The following CCAR1 variants were observed in gnomAD, a reference collection of about 807,000 sequenced individuals.
CCAR1 encodes the protein cell division cycle and apoptosis regulator protein 1.
CCAR1 carries 78 observed loss-of-function variants against 163.8 expected under a neutral mutation model. That is an observed-to-expected ratio of 0.48 (90% CI 0.40 to 0.57). The LOEUF is 0.57. CCAR1 is among the 20% of genes least tolerant of loss of function. The pLI, the probability that CCAR1 is intolerant of heterozygous loss-of-function variation, is 0.00. For synonymous variants in CCAR1, 443 were observed against 460.7 expected (o/e 0.96, Z 0.49); for missense variants, 1,019 against 1,365.2 (o/e 0.75, Z 4.00).
intron 19 of CCAR1, among the ~76,000 whole-genome samples, chr10:68,773,546 C>A (rs150505016): frequency 6.6e-6 from 1 of 152,002 alleles, no homozygotes; most frequent in Admixed American, 6.6e-5. Flanking sequence ...TGCCTATAAT[C>A]CCAGGTATAC....
intron 10 of CCAR1, among the ~76,000 whole-genome samples, chr10:68,750,457 T>C (rs1359586018): frequency 6.6e-6 from 1 of 152,100 alleles, no homozygotes; most frequent in Non-Finnish European, 1.5e-5. Context: ...ACTCCTAACC[T>C]CAAGTGATCC....
intron 12 of CCAR1, 119 bp downstream of exon 12, chr10:68,754,946 A>G (rs1371414891): frequency 4.8e-6 from 3 of 624,372 alleles, no homozygotes; most frequent in Non-Finnish European, 5.7e-6. Flanking sequence ...TAATTTTAGT[A>G]TTAAGGCACC....
intron 20 of CCAR1, 148 bp from the exon 21 acceptor site, chr10:68,786,398 C>T (rs1418720806): frequency 7.1e-6 from 5 of 702,296 alleles, no homozygotes; most frequent in Admixed American, 3.1e-5. Flanking sequence ...CTCTCATATT[C>T]GTATACCAGA....
intron 4 of CCAR1, among the ~76,000 whole-genome samples, chr10:68,738,749 A>G (rs1052655840): frequency 1.3e-5 from 2 of 152,124 alleles, no homozygotes; most frequent in African/African-American, 4.8e-5. Flanking sequence ...AGAACTGTTC[A>G]AAATGGGAGA....
chr10:68,781,075 T>TAC (rs1457956833), intron 19 of CCAR1, among the ~76,000 whole-genome samples: 3 of 151,688 alleles, frequency 2.0e-5, no homozygotes, highest in Admixed American at 6.6e-5. Flanking sequence ...CTACTAAAAA[T>TAC]ACACAAAATA....
At chr10:68,784,351 G>A (rs2056771367) in intron 19 of CCAR1, among the ~76,000 whole-genome samples, 1 of 151,934 alleles carries the variant, frequency 6.6e-6, no homozygotes, top group South Asian at 2.1e-4. Flanking sequence ...GAGTATCTGG[G>A]ACTACAGGCA....
In CCAR1 at chr10:68,749,217, G is replaced by A; in HGVS notation, c.908G>A (p.Gly303Glu). The stretch of plus-strand genomic sequence containing the variant: ...TTAGATCCCCCATCCCGATTTTCAG[G>A]AAGAAATGACAGAGGGGATCAAGTG... ...RRLDPPSRFS[G>E]RNDRGDQVPN... Residue 303 changes from glycine (G) to glutamate (E), a missense_variant, in exon 9 of 25, where the codon GGA becomes GAA. Gly to Glu is a moderately conservative substitution (Grantham distance 98, BLOSUM62 -2). Transcript: ENST00000265872. The A allele has an allele frequency of 7.4e-6, 12 of 1,613,538 alleles. No homozygotes were observed. Among genetic ancestry groups the A allele is most frequent in the Non-Finnish European group, 1.0e-5 (12 of 1,179,882 alleles).
chr10:68,738,189 C>T (rs887605517), intron 4 of CCAR1, among the ~76,000 whole-genome samples: 1 of 152,062 alleles, frequency 6.6e-6, no homozygotes, highest in Admixed American at 6.6e-5. Flanking sequence ...CCGAGGCGGG[C>T]GGATCACTTG....
intron 21 of CCAR1, 166 bp from the exon 22 acceptor site, chr10:68,787,761 G>A (rs765561989): frequency 1.2e-4 from 66 of 546,548 alleles, no homozygotes; most frequent in Non-Finnish European, 1.8e-4. Flanking sequence ...CTTGAACCTG[G>A]GAAGTGGAGG....
intron 2 of CCAR1, 73 bp from the exon 3 acceptor site, chr10:68,736,803 A>G (rs1357738230): frequency 1.1e-5 from 14 of 1,331,550 alleles, no homozygotes; most frequent in South Asian, 6.7e-5. Flanking sequence ...TATCTCTTCT[A>G]TGTACTGTTT....
Position 68,773,002 on chromosome 10 carries a change from AAAAGATGATTCT to A in CCAR1, c.2563_2574del (p.Ser855_Asp858del). The A allele has an allele frequency of 7.0e-7, 1 of 1,430,120 alleles. No individual in the cohort carries two copies. The highest frequency in any genetic ancestry group is 2.3e-5 in the East Asian group (1 of 42,756). The allele number at this position is 1,430,120 out of a possible 1,614,324, so 88.6% of individuals were successfully genotyped here. A position where few individuals can be genotyped will look rare whatever the true frequency, so the allele number is the denominator to read the frequency against. ...TTAAATTATAGAAAGAAGATAAAAG[AAAAGATGATTCT>A]AAAGATGATGATGAAACTGAAGAAG... On this transcript the variant is annotated inframe_deletion, in exon 19 of 25. Coordinates refer to ENST00000265872, the MANE Select transcript of CCAR1 (RefSeq NM_018237.4).
At chr10:68,760,894 C>T (rs1039572585) in intron 15 of CCAR1, 113 bp from the exon 16 acceptor site, 8 of 359,638 alleles carry the variant, frequency 2.2e-5, no homozygotes, top group Non-Finnish European at 3.5e-5. Flanking sequence ...AAAAAAAAAA[C>T]ACACAAAATA....
chr10:68,781,577 TG>T (rs1270557988), intron 19 of CCAR1, among the ~76,000 whole-genome samples: 1 of 151,014 alleles, frequency 6.6e-6, no homozygotes, highest in Non-Finnish European at 1.5e-5. Context: ...ATAATTAGGC[TG>T]GGCTCAGTGG....
chr10:68,753,562 A>G (rs2056362549), intron 10 of CCAR1, among the ~76,000 whole-genome samples: 1 of 152,212 alleles, frequency 6.6e-6, no homozygotes, highest in Non-Finnish European at 1.5e-5. Context: ...CTGCTTTTGT[A>G]CAGATCTTTT....
chr10:68,773,848 G>A (rs1473945394), intron 19 of CCAR1, among the ~76,000 whole-genome samples: 1 of 151,954 alleles, frequency 6.6e-6, no homozygotes, highest in Non-Finnish European at 1.5e-5. Context: ...GAGTAACTGG[G>A]ACTACAGGTG....
At chr10:68,776,877 T>C (rs2056673395) in intron 19 of CCAR1, among the ~76,000 whole-genome samples, 1 of 152,234 alleles carries the variant, frequency 6.6e-6, no homozygotes, top group Non-Finnish European at 1.5e-5. Context: ...TCTCTCCCAG[T>C]CTCTCATATT....
At chr10:68,727,752 C>A (rs1200897731) in intron 2 of CCAR1, among the ~76,000 whole-genome samples, 1 of 152,138 alleles carries the variant, frequency 6.6e-6, no homozygotes. Flanking sequence ...GAGAAATGGC[C>A]AATGACTCAC....
intron 16 of CCAR1, among the ~76,000 whole-genome samples, chr10:68,762,344 C>A (rs1386870860): frequency 4.6e-5 from 3 of 65,604 alleles, no homozygotes; most frequent in South Asian, 5.8e-4. Context: ...AAAAACAAAA[C>A]AAAAAACAAA....
In CCAR1 at chr10:68,771,287, C is replaced by T; in HGVS notation, c.2380C>T (p.Pro794Ser). 6.2e-7 allele frequency: 1 copy of T among 1,605,942 alleles called. No individual in the cohort carries two copies. Among genetic ancestry groups the T allele is most frequent in the South Asian group, 1.1e-5 (1 of 89,236 alleles). ...TATATACAAATCATTACTGTCTCTT[C>T]CTGAGAAAGAGGACAAAAAAGAAAA... ...VRIYKSLLSL[P>S]EKEDKKEKDK... is the part of the protein sequence containing the mutation. The change falls in exon 18 of 25, where the codon CCT (proline) becomes TCT (serine). Residue 794 changes from proline (P) to serine (S), a missense_variant. This residue lies in a region of CCAR1 where 358 missense variants were observed against 406.4 expected (regional missense o/e 0.88). Transcript: ENST00000265872.
Sources: allele counts gnomAD v4.1 joint callset (sites outside exome capture counted in the v4.1 genomes callset), GRCh38; gene constraint gnomAD v4.1.1; regional missense constraint gnomAD v4.1.1; transcripts MANE v1.5; gene names NCBI Gene and HGNC (gene_info 2026-07-23, HGNC 2026-07-21).